RPA1: variants seen among roughly 807,000 people sequenced by gnomAD.
RPA1 encodes the protein replication protein A1, also known as replication protein A 70 kDa DNA-binding subunit.
A neutral mutation model predicts 83.0 loss-of-function variants in RPA1; 49 were observed. That is an observed-to-expected ratio of 0.59 (90% confidence interval 0.47 to 0.75). The LOEUF (loss-of-function observed/expected upper bound fraction) is 0.75, where lower values mean the gene tolerates loss of function less well. Among genes scored for constraint, RPA1 ranks in the 30% least tolerant of loss-of-function variants. The pLI is 0.00. For synonymous variants in RPA1, 279 were observed against 281.8 expected (o/e 0.99, Z 0.10); for missense variants, 693 against 776.1 (o/e 0.89, Z 1.27).
intron 1 of RPA1, among the ~76,000 whole-genome samples, chr17:1,838,460 G>A (rs771775010): frequency 1.2e-4 from 18 of 151,800 alleles, no homozygotes; most frequent in Non-Finnish European, 2.1e-4. Flanking sequence ...AAAATTAGCC[G>A]GGCGTGGTGG....
In RPA1 at chr17:1,879,201, G is replaced by C; in HGVS notation, c.760-14G>C. 6.2e-7 allele frequency: 1 copy of C among 1,611,176 alleles called. No individual in the cohort carries two copies. Among genetic ancestry groups the C allele is most frequent in the South Asian group, 1.1e-5 (1 of 90,888 alleles). On this transcript the variant is annotated splice_polypyrimidine_tract_variant and intron_variant, in intron 9 of 16. Transcript: ENST00000254719. ...ATGGTAGTCTCAGGTTCTGTGGCTT[G>C]GCCTCCTTCGCAGGTGTATTATTTC... is the stretch of plus-strand genomic sequence containing the variant.
chr17:1,883,302 T>C (rs941500202), intron 12 of RPA1, among the ~76,000 whole-genome samples: 11 of 152,266 alleles, frequency 7.2e-5, no homozygotes, highest in Admixed American at 4.6e-4. Context: ...TAGCTGGGAT[T>C]ACAGGCACCC....
intron 5 of RPA1, among the ~76,000 whole-genome samples, chr17:1,855,683 C>G (rs1912666734): frequency 6.6e-6 from 1 of 152,006 alleles, no homozygotes; most frequent in Admixed American, 6.6e-5. Flanking sequence ...GATTTTGATA[C>G]CTGAGTAACC....
At chr17:1,890,602 G>A (rs1045153790) in intron 14 of RPA1, among the ~76,000 whole-genome samples, 2 of 152,172 alleles carry the variant, frequency 1.3e-5, no homozygotes, top group Non-Finnish European at 2.9e-5. Context: ...GGTGGAGTTT[G>A]CAGTGAGCCA....
At position 1,899,043 on chromosome 17, in the gene RPA1, C is replaced by G. The variant is rs1427721757; in HGVS notation, c.*1868C>G. The G allele has an allele frequency of 9.8e-5, 15 of 152,942 alleles. 1 individual carries two copies. The East Asian group carries it at 2.9e-3, about 30-fold the overall frequency. The allele number at this position is 152,942 out of a possible 1,614,324, so 9.5% of individuals were successfully genotyped here. On this transcript the variant is annotated 3_prime_UTR_variant, in exon 17 of 17. Transcript: ENST00000254719. ...GCCGTGGTACCAGGACAGGACGTGT[C>G]CAGGGAACGCTGACACCTGTCCTCG...
chr17:1,834,576 C>G (rs1911740860), intron 1 of RPA1, among the ~76,000 whole-genome samples: 1 of 152,128 alleles, frequency 6.6e-6, no homozygotes, highest in Admixed American at 6.6e-5. Context: ...GGCGTTTGGG[C>G]AAGAGTCACA....
Position 1,897,697 on chromosome 17 carries a change from C to T in RPA1, c.*522C>T, listed in dbSNP as rs1914497308. On this transcript the variant is annotated 3_prime_UTR_variant, in exon 17 of 17. Transcript: ENST00000254719. ...TAGAGGTGCTACATAGTTGGTAATG[C>T]TTGGAATGGCAATAGGGTAGAATGA... 1 of 158,768 alleles carries T rather than the reference C, an allele frequency of 6.3e-6. No homozygotes were observed. Among genetic ancestry groups the T allele is most frequent in the South Asian group, 1.8e-4 (1 of 5,618 alleles). 9.8% of individuals were successfully genotyped at this position (158,768 alleles called of 1,614,324 possible).
At chr17:1,851,742 T>C (rs905079018) in intron 4 of RPA1, among the ~76,000 whole-genome samples, 2 of 152,194 alleles carry the variant, frequency 1.3e-5, no homozygotes, top group African/African-American at 4.8e-5. Context: ...AGTAGTTAAA[T>C]ATCTGCCACT....
intron 5 of RPA1, among the ~76,000 whole-genome samples, chr17:1,871,637 A>C (rs2151283621): frequency 6.6e-6 from 1 of 152,328 alleles, no homozygotes; most frequent in African/African-American, 2.4e-5. Context: ...GTTATTTCAC[A>C]AAATGAGGCA....
chr17:1,879,753 G>A (rs374752943), intron 11 of RPA1, 54 bp downstream of exon 11: 152 of 1,608,748 alleles, frequency 9.4e-5, no homozygotes, highest in Non-Finnish European at 1.2e-4. Context: ...GGGTTGGGGC[G>A]TGGTCTTGTC....
intron 11 of RPA1, among the ~76,000 whole-genome samples, chr17:1,880,331 C>T (rs924767163): frequency 6.6e-6 from 1 of 152,092 alleles, no homozygotes; most frequent in Non-Finnish European, 1.5e-5. Flanking sequence ...AAGCTTTACG[C>T]GGGGAAATGC....
chr17:1,893,078 T>G (rs1381755337), intron 15 of RPA1, among the ~76,000 whole-genome samples: 1 of 152,266 alleles, frequency 6.6e-6, no homozygotes, highest in African/African-American at 2.4e-5. Flanking sequence ...TCTGTCTGTT[T>G]GGGCTCTGCC....
chr17:1,878,432 A>G (rs993420286), intron 8 of RPA1, among the ~76,000 whole-genome samples: 3 of 152,158 alleles, frequency 2.0e-5, no homozygotes, highest in African/African-American at 7.2e-5. Flanking sequence ...GCTCTAATGT[A>G]TGGTGGTTGG....
At chr17:1,874,030 T>TAC (rs1246125038) in intron 6 of RPA1, among the ~76,000 whole-genome samples, 1,334 of 90,706 alleles carry the variant, frequency 0.015, 12 homozygotes, top group South Asian at 0.021. Flanking sequence ...TATATATATA[T>TAC]ATACACACAC....
intron 1 of RPA1, among the ~76,000 whole-genome samples, chr17:1,840,488 G>A (rs758268596): frequency 7.9e-5 from 12 of 152,008 alleles, no homozygotes; most frequent in East Asian, 1.9e-4. Context: ...GGGTTTCACC[G>A]TGTTAGCCGG....
intron 6 of RPA1, among the ~76,000 whole-genome samples, chr17:1,875,024 G>A (rs554433289): frequency 6.6e-6 from 1 of 152,318 alleles, no homozygotes; most frequent in East Asian, 1.9e-4. Flanking sequence ...CTTTCCCAGC[G>A]CAGGGCAGCT....
chr17:1,870,452 A>T (rs1913335268), intron 5 of RPA1, among the ~76,000 whole-genome samples: 1 of 152,276 alleles, frequency 6.6e-6, no homozygotes, highest in African/African-American at 2.4e-5. Context: ...TCACATTTTT[A>T]AAAATTGTGG....
At chr17:1,838,320 A>G (rs1481877425) in intron 1 of RPA1, among the ~76,000 whole-genome samples, 1 of 141,810 alleles carries the variant, frequency 7.1e-6, no homozygotes, top group Non-Finnish European at 1.5e-5. Context: ...TAAAATAAAA[A>G]CAGCAGGGTG....
At chr17:1,888,581 C>A in intron 13 of RPA1, 94 bp from the exon 14 acceptor site, 1 of 1,216,532 alleles carries the variant, frequency 8.2e-7, no homozygotes. Context: ...AAACACTTAC[C>A]ACCTAAACGT....
Sources: allele counts gnomAD v4.1 joint callset (sites outside exome capture counted in the v4.1 genomes callset), GRCh38; gene constraint gnomAD v4.1.1; transcripts MANE v1.5; gene names NCBI Gene and HGNC (gene_info 2026-07-23, HGNC 2026-07-21).